CSMD3: variants seen among roughly 807,000 people sequenced by gnomAD.
CSMD3 encodes CUB and sushi domain-containing protein 3.
CSMD3 carries 177 observed loss-of-function variants against 435.2 expected under a neutral mutation model. That is an observed-to-expected ratio of 0.41 (90% CI 0.36 to 0.46). The LOEUF (loss-of-function observed/expected upper bound fraction) is 0.46. Among genes scored for constraint, CSMD3 ranks in the 20% least tolerant of loss-of-function variants. The pLI is 0.34. For missense variants in CSMD3, 4,265 were observed against 4,504.6 expected, an observed-to-expected ratio of 0.95 and a Z score of 1.52; for synonymous variants, 1,656 against 1,520.5, an observed-to-expected ratio of 1.09 and a Z score of -2.07.
At chr8:112,505,858 G>T (rs977487568) in intron 29 of CSMD3, among the ~76,000 whole-genome samples, 2 of 151,902 alleles carry the variant, frequency 1.3e-5, no homozygotes, top group Non-Finnish European at 2.9e-5. Context: ...TCTACCTAAG[G>T]TCACATAATA....
intron 65 of CSMD3, among the ~76,000 whole-genome samples, chr8:112,243,496 G>A (rs1383105884): frequency 6.6e-6 from 1 of 151,982 alleles, no homozygotes; most frequent in Non-Finnish European, 1.5e-5. Context: ...AGCAATCGGT[G>A]GACACTTCAC....
At chr8:112,902,711 T>A (rs1297829439) in intron 10 of CSMD3, among the ~76,000 whole-genome samples, 7 of 151,296 alleles carry the variant, frequency 4.6e-5, no homozygotes, top group African/African-American at 1.7e-4. Context: ...TGGATTGTTG[T>A]CAATAATCTA....
At chr8:112,551,620 G>A (rs1827694005) in intron 26 of CSMD3, among the ~76,000 whole-genome samples, 2 of 151,852 alleles carry the variant, frequency 1.3e-5, no homozygotes, top group Non-Finnish European at 2.9e-5. Context: ...TTACTTTCAA[G>A]TTTAATAATA....
At chr8:112,856,923 C>T (rs1277089764) in intron 11 of CSMD3, among the ~76,000 whole-genome samples, 1 of 151,742 alleles carries the variant, frequency 6.6e-6, no homozygotes, top group African/African-American at 2.4e-5. Flanking sequence ...GCAAATACTT[C>T]TAACAGTGTT....
In CSMD3 at chr8:112,492,494, C is replaced by A; in HGVS notation, c.5273G>T (p.Cys1758Phe). 6.2e-7 allele frequency: 1 copy of A among 1,612,918 alleles called. No individual in the cohort carries two copies. Among genetic ancestry groups the A allele is most frequent in the Non-Finnish European group, 8.5e-7 (1 of 1,178,954 alleles). Residue 1758 changes from cysteine (C) to phenylalanine (F), a missense_variant, in exon 31 of 71, where the codon TGT becomes TTT. Around this residue, in one of 3 missense-constraint regions of CSMD3, gnomAD observed 3,255 missense variants for 3,380.2 expected, o/e 0.96. Transcript: ENST00000297405. ...CCAAAAAATATGTTCCTTACCATGA[C>A]AACTTGGCAAGGCTCTATTCCATCC... ...RPGWNRALPS[C>F]HAPCGSRSTG...
intron 13 of CSMD3, among the ~76,000 whole-genome samples, chr8:112,790,567 A>G (rs2078662101): frequency 6.6e-6 from 1 of 152,080 alleles, no homozygotes; most frequent in African/African-American, 2.4e-5. Context: ...AAATGAATGC[A>G]ATTTTCAGCC....
chr8:112,748,446 T>C (rs2077490295), intron 13 of CSMD3, among the ~76,000 whole-genome samples: 1 of 152,144 alleles, frequency 6.6e-6, no homozygotes, highest in African/African-American at 2.4e-5. Flanking sequence ...AACCCAGGTA[T>C]TAAGCTCAGT....
At chr8:113,003,008 G>C (rs1416612127) in intron 6 of CSMD3, among the ~76,000 whole-genome samples, 1 of 152,076 alleles carries the variant, frequency 6.6e-6, no homozygotes, top group Admixed American at 6.6e-5. Context: ...GGGAGACTGA[G>C]GCAGGTGGAT....
In CSMD3 at chr8:113,017,604, T is replaced by A. The variant is rs73349968; in HGVS notation, c.1030+1463A>T. Among the ~76,000 whole-genome samples the A allele has an allele frequency of 8.3e-3, 1,260 of 152,034 alleles. 30 individuals are homozygous for A. The highest frequency in any genetic ancestry group is 0.029 in the African/African-American group (1,192 of 41,526). On this transcript the variant is annotated intron_variant, in intron 6 of 70. Coordinates refer to ENST00000297405, the MANE Select transcript of CSMD3 (RefSeq NM_198123.2). ...GATTTTTGAATTTCTGCCATGCCAT[T>A]GGCCTTAACTAATTGTAGAAAGGAA...
At chr8:113,434,380 G>A (rs931990606) in intron 1 of CSMD3, among the ~76,000 whole-genome samples, 2 of 152,160 alleles carry the variant, frequency 1.3e-5, no homozygotes, top group Admixed American at 6.5e-5. Context: ...CAATGTTTAA[G>A]GCATTGCATC....
In CSMD3 at chr8:112,346,227, G is replaced by A. The variant is rs2131024458; in HGVS notation, c.6326-14C>T. On this transcript the variant is annotated splice_polypyrimidine_tract_variant and intron_variant, in intron 40 of 70. Coordinates refer to ENST00000297405, the MANE Select transcript of CSMD3 (RefSeq NM_198123.2). ...CACCACACTGAGCTGCAAAATAACA[G>A]AAATCCAAAGTAAACCAGAGTAGAG... The A allele has an allele frequency of 7.0e-7, 1 of 1,435,592 alleles. No homozygotes were observed. 88.9% of individuals were successfully genotyped at this position (1,435,592 alleles called of 1,614,324 possible). A position where few individuals can be genotyped will look rare whatever the true frequency, so the allele number is the denominator to read the frequency against.
At chr8:113,340,984 C>G (rs1343732280) in intron 1 of CSMD3, among the ~76,000 whole-genome samples, 1 of 152,066 alleles carries the variant, frequency 6.6e-6, no homozygotes, top group Non-Finnish European at 1.5e-5. Context: ...TTTGTCACAG[C>G]AACCATCCTC....
chr8:112,373,956 A>G (rs1828698081), intron 38 of CSMD3, among the ~76,000 whole-genome samples: 1 of 152,138 alleles, frequency 6.6e-6, no homozygotes, highest in Non-Finnish European at 1.5e-5. Context: ...CACCAAACAG[A>G]TTTTAACTGT....
intron 1 of CSMD3, among the ~76,000 whole-genome samples, chr8:113,420,537 A>G (rs1171886954): frequency 6.6e-6 from 1 of 152,150 alleles, no homozygotes. Flanking sequence ...AAAATGCTTA[A>G]TATTTATGTC....
At chr8:112,245,395 T>C (rs1287429208) in intron 64 of CSMD3, among the ~76,000 whole-genome samples, 2 of 152,124 alleles carry the variant, frequency 1.3e-5, no homozygotes, top group African/African-American at 2.4e-5. Flanking sequence ...ATAAAAGTGA[T>C]CTCTGAAAAA....
chr8:112,575,412 G>A (rs1275498863), intron 23 of CSMD3, among the ~76,000 whole-genome samples: 1 of 151,952 alleles, frequency 6.6e-6, no homozygotes, highest in African/African-American at 2.4e-5. Flanking sequence ...TTAAGTTCAA[G>A]GCGACATGGT....
At chr8:112,356,117 C>T (rs1001336604) in intron 38 of CSMD3, among the ~76,000 whole-genome samples, 4 of 152,106 alleles carry the variant, frequency 2.6e-5, no homozygotes, top group African/African-American at 9.7e-5. Flanking sequence ...CTGTGGAAAA[C>T]AGTTTGGAGA....
chr8:113,055,756 G>T (rs897088664), intron 5 of CSMD3, among the ~76,000 whole-genome samples: 1 of 152,170 alleles, frequency 6.6e-6, no homozygotes, highest in Non-Finnish European at 1.5e-5. Context: ...GGATAGCAGA[G>T]TTTCTTGAGT....
intron 20 of CSMD3, chr8:112,643,670 A>T (rs1173921474): frequency 6.1e-6 from 1 of 163,752 alleles, no homozygotes; most frequent in Non-Finnish European, 1.5e-5. Flanking sequence ...ATAATGGGAC[A>T]CTTTGGTTAA....
Sources: allele counts gnomAD v4.1 joint callset (sites outside exome capture counted in the v4.1 genomes callset), GRCh38; gene constraint gnomAD v4.1.1; regional missense constraint gnomAD v4.1.1; transcripts MANE v1.5; gene names NCBI Gene and HGNC (gene_info 2026-07-23, HGNC 2026-07-21).